The following CAMKMT variants were observed in gnomAD, a reference collection of about 807,000 sequenced individuals.
CAMKMT encodes the protein CaM KMT.
A neutral mutation model predicts 48.0 loss-of-function variants in CAMKMT; 53 were observed. The ratio of observed to expected loss-of-function variants is 1.10; its 90% CI spans 0.89 to 1.39. CAMKMT has a LOEUF of 1.39. Ranked by LOEUF, CAMKMT falls within the 40% of genes most tolerant of loss-of-function variation. The pLI, the probability that CAMKMT is intolerant of heterozygous loss-of-function variation, is 0.00. For missense variants in CAMKMT, 428 were observed against 402.7 expected (o/e 1.06, Z -0.54); for synonymous variants, 165 against 152.3 (o/e 1.08, Z -0.61).
intron 7 of CAMKMT, among the ~76,000 whole-genome samples, chr2:44,718,892 C>T (rs575833509): frequency 2.0e-5 from 3 of 152,234 alleles, no homozygotes; most frequent in South Asian, 4.1e-4. Context: ...ATAACCCAAA[C>T]TTTACCTTTA....
At chr2:44,695,782 T>G (rs1300569496) in intron 3 of CAMKMT, among the ~76,000 whole-genome samples, 1 of 152,016 alleles carries the variant, frequency 6.6e-6, no homozygotes, top group Non-Finnish European at 1.5e-5. Flanking sequence ...AAGCTGAGAA[T>G]CAACCCAATT....
chr2:44,706,669 G>A (rs576636071), intron 5 of CAMKMT, among the ~76,000 whole-genome samples: 2 of 150,248 alleles, frequency 1.3e-5, no homozygotes, highest in African/African-American at 4.9e-5. Context: ...GGAATAGCCC[G>A]GCGAATCACA....
At chr2:44,389,428 CAA>C (rs1343556893) in intron 2 of CAMKMT, among the ~76,000 whole-genome samples, 1 of 152,094 alleles carries the variant, frequency 6.6e-6, no homozygotes, top group East Asian at 1.9e-4. Context: ...TTTTAAATGA[CAA>C]AGTGAATGTT....
intron 2 of CAMKMT, among the ~76,000 whole-genome samples, chr2:44,374,807 G>A (rs1295952764): frequency 6.6e-6 from 1 of 152,026 alleles, no homozygotes; most frequent in Non-Finnish European, 1.5e-5. Context: ...GAGCTAAAGT[G>A]TTGGCTTCAT....
intron 2 of CAMKMT, among the ~76,000 whole-genome samples, chr2:44,374,605 T>C (rs1034558534): frequency 1.3e-5 from 2 of 152,220 alleles, no homozygotes; most frequent in African/African-American, 4.8e-5. Context: ...TTGAGATCTT[T>C]CAAAGCAAGT....
chr2:44,726,065 A>G (rs343965), intron 7 of CAMKMT, among the ~76,000 whole-genome samples: 58,394 of 151,972 alleles, frequency 0.38, 11,518 homozygotes, highest in South Asian at 0.53. Flanking sequence ...TTTAGCTCCC[A>G]CTTATAAGTG....
chr2:44,516,124 G>A (rs1264574814), intron 3 of CAMKMT, among the ~76,000 whole-genome samples: 1 of 152,092 alleles, frequency 6.6e-6, no homozygotes, highest in Non-Finnish European at 1.5e-5. Context: ...AAAAAAGAGC[G>A]CCTCATATGA....
intron 3 of CAMKMT, among the ~76,000 whole-genome samples, chr2:44,408,099 C>T (rs372966897): frequency 1.4e-5 from 2 of 147,926 alleles, no homozygotes; most frequent in African/African-American, 5.1e-5. Context: ...GATCTCGGCT[C>T]ACTGCAACCT....
chr2:44,669,400 G>C (rs567901985), intron 3 of CAMKMT, among the ~76,000 whole-genome samples: 1 of 152,244 alleles, frequency 6.6e-6, no homozygotes, highest in South Asian at 2.1e-4. Flanking sequence ...CTCGTACTTG[G>C]CTCCTAGCAC....
At chr2:44,752,834 C>CTG (rs1275352122) in intron 8 of CAMKMT, among the ~76,000 whole-genome samples, 1 of 152,198 alleles carries the variant, frequency 6.6e-6, no homozygotes, top group Non-Finnish European at 1.5e-5. Flanking sequence ...CCTCTCAATA[C>CTG]TGTTGCATTG....
Position 44,695,128 on chromosome 2 carries a change from G to A in CAMKMT, c.377-9155G>A, listed in dbSNP as rs190060901. 2.5e-3 allele frequency among the ~76,000 whole-genome samples: 382 copies of A among 152,250 alleles called. 11 individuals are homozygous for A. Among genetic ancestry groups the A allele is most frequent in the Admixed American group, 0.022 (338 of 15,286 alleles). On this transcript the variant is annotated intron_variant, in intron 3 of 10. Transcript: ENST00000378494. The stretch of plus-strand genomic sequence containing the variant: ...TTCATTGAGTGACGTCAATAATGTA[G>A]CAGAAGTGCTATAATTTTCAGATAA...
intron 3 of CAMKMT, among the ~76,000 whole-genome samples, chr2:44,527,217 C>T (rs928802005): frequency 6.8e-6 from 1 of 146,978 alleles, no homozygotes; most frequent in African/African-American, 2.5e-5. Flanking sequence ...CTCAGCCTCC[C>T]TAGTAGTAGC....
rs1198719745 is a variant in CAMKMT, at chr2:44,769,124, A to T, written c.894+2563A>T. On this transcript the variant is annotated intron_variant, in intron 10 of 10. Transcript: ENST00000378494. ...AAATTAGTTACTTGGCAGTAGTGCA[A>T]GGTAAAAAAAAAAAAAAAATCTACA... Among the ~76,000 whole-genome samples the T allele has an allele frequency of 2.7e-5, 4 of 146,574 alleles. No homozygotes were observed. The East Asian group carries it at 7.8e-4, about 28-fold the overall frequency.
At chr2:44,495,594 G>A (rs1669716159) in intron 3 of CAMKMT, among the ~76,000 whole-genome samples, 1 of 152,148 alleles carries the variant, frequency 6.6e-6, no homozygotes, top group African/African-American at 2.4e-5. Context: ...GTTTCTAAAA[G>A]CTTTTGTAGT....
At chr2:44,678,563 T>C (rs1213097615) in intron 3 of CAMKMT, among the ~76,000 whole-genome samples, 1 of 152,256 alleles carries the variant, frequency 6.6e-6, no homozygotes. Context: ...AATCAAATTC[T>C]AAAGACCAAT....
intron 3 of CAMKMT, among the ~76,000 whole-genome samples, chr2:44,505,710 G>A (rs1342982060): frequency 6.6e-6 from 1 of 152,132 alleles, no homozygotes; most frequent in African/African-American, 2.4e-5. Context: ...CTTGCTGTCA[G>A]AGGCGGAAGA....
At chr2:44,648,017 G>A (rs1185276318) in intron 3 of CAMKMT, among the ~76,000 whole-genome samples, 3 of 150,518 alleles carry the variant, frequency 2.0e-5, no homozygotes, top group Non-Finnish European at 4.4e-5. Flanking sequence ...TTAAAAACCC[G>A]AATGAAGAAA....
chr2:44,536,294 G>A (rs1047453943), intron 3 of CAMKMT, among the ~76,000 whole-genome samples: 3 of 151,290 alleles, frequency 2.0e-5, no homozygotes, highest in African/African-American at 7.3e-5. Context: ...AAAGAAATCT[G>A]TAGATTCAAT....
At chr2:44,596,035 A>G (rs1043241836) in intron 3 of CAMKMT, among the ~76,000 whole-genome samples, 7 of 152,036 alleles carry the variant, frequency 4.6e-5, no homozygotes, top group African/African-American at 1.7e-4. Flanking sequence ...TACCTAATGT[A>G]GATGATGGGT....
Sources: allele counts gnomAD v4.1 joint callset (sites outside exome capture counted in the v4.1 genomes callset), GRCh38; gene constraint gnomAD v4.1.1; transcripts MANE v1.5; gene names NCBI Gene and HGNC (gene_info 2026-07-23, HGNC 2026-07-21).